QTMAN: variants seen among roughly 807,000 people sequenced by gnomAD.
QTMAN encodes tRNA-queuosine alpha-mannosyltransferase.
the QTMAN span, among the ~76,000 whole-genome samples, chr2:144,096,646 GA>G: frequency 1.3e-5 from 2 of 152,222 alleles, no homozygotes; most frequent in African/African-American, 4.8e-5. Flanking sequence ...AAATACGCTT[GA>G]AGCATATCTA....
At chr2:144,330,114 T>C in the QTMAN span, among the ~76,000 whole-genome samples, 8 of 152,224 alleles carry the variant, frequency 5.3e-5, no homozygotes, top group Non-Finnish European at 8.8e-5. Flanking sequence ...GATTATTACA[T>C]GTGATAGGAT....
chr2:144,137,473 C>A, the QTMAN span, among the ~76,000 whole-genome samples: 1 of 152,014 alleles, frequency 6.6e-6, no homozygotes, highest in East Asian at 1.9e-4. Context: ...CTTTTTACTG[C>A]TGTCAGTGAG....
At chr2:144,035,547 G>T in the QTMAN span, among the ~76,000 whole-genome samples, 74 of 152,064 alleles carry the variant, frequency 4.9e-4, no homozygotes, top group Non-Finnish European at 4.7e-4. Flanking sequence ...AAAGACCATA[G>T]TTATTTTATA....
At chr2:143,939,586 T>C in the QTMAN span, 4 of 152,242 alleles carry the variant, frequency 2.6e-5, no homozygotes, top group African/African-American at 9.6e-5. Flanking sequence ...TACAGTTAAA[T>C]TTATAGAAAG....
chr2:144,222,210 C>T, the QTMAN span, among the ~76,000 whole-genome samples: 1 of 151,844 alleles, frequency 6.6e-6, no homozygotes, highest in African/African-American at 2.4e-5. Flanking sequence ...CAGGCGCCCG[C>T]CACCACGCCC....
At chr2:144,069,034 C>T in the QTMAN span, among the ~76,000 whole-genome samples, 1 of 152,172 alleles carries the variant, frequency 6.6e-6, no homozygotes, top group South Asian at 2.1e-4. Flanking sequence ...CCTTTTTAAC[C>T]CCTCTTTTTC....
the QTMAN span, among the ~76,000 whole-genome samples, chr2:144,304,355 G>A: frequency 1.3e-5 from 2 of 152,116 alleles, no homozygotes; most frequent in African/African-American, 2.4e-5. Flanking sequence ...CACAAAGAAC[G>A]TAAACTGCCT....
chr2:144,187,646 T>C, the QTMAN span, among the ~76,000 whole-genome samples: 5 of 152,318 alleles, frequency 3.3e-5, no homozygotes, highest in African/African-American at 9.6e-5. Flanking sequence ...TTACAGCTTA[T>C]TATTTATACA....
chr2:144,035,291 GAACCATGAGCCAATGA>G, the QTMAN span, among the ~76,000 whole-genome samples: 10 of 152,172 alleles, frequency 6.6e-5, no homozygotes, highest in Admixed American at 4.6e-4. Context: ...ACAGTCTATG[GAACCATGAGCCAATGA>G]AACCTCTTTT....
chr2:144,199,699 G>A, the QTMAN span, among the ~76,000 whole-genome samples: 1 of 152,266 alleles, frequency 6.6e-6, no homozygotes, highest in Middle Eastern at 3.4e-3. Context: ...CTAGGAAAAA[G>A]TTAAGTTAAA....
chr2:144,330,913 TTC>T, the QTMAN span, among the ~76,000 whole-genome samples: 1 of 152,228 alleles, frequency 6.6e-6, no homozygotes, highest in South Asian at 2.1e-4. Flanking sequence ...AATTCTGTAT[TTC>T]TGTGATGCAT....
the QTMAN span, among the ~76,000 whole-genome samples, chr2:144,276,236 G>A: frequency 1.3e-5 from 2 of 151,986 alleles, no homozygotes; most frequent in Admixed American, 1.3e-4. Context: ...TTATAGAAAT[G>A]GGGTCTTACG....
chr2:143,949,850 G>C, the QTMAN span, among the ~76,000 whole-genome samples: 2 of 150,416 alleles, frequency 1.3e-5, no homozygotes, highest in African/African-American at 4.9e-5. Flanking sequence ...TTTTTTTTCT[G>C]TTTTAGCTTT....
the QTMAN span, among the ~76,000 whole-genome samples, chr2:144,092,146 T>C: frequency 2.6e-5 from 4 of 151,934 alleles, no homozygotes. Flanking sequence ...CACAGGTGTA[T>C]ACATACGTCA....
At chr2:144,192,335 G>A in the QTMAN span, among the ~76,000 whole-genome samples, 1 of 151,950 alleles carries the variant, frequency 6.6e-6, no homozygotes, top group African/African-American at 2.4e-5. Flanking sequence ...TCGAACTCCT[G>A]ACCTCCAGTG....
the QTMAN span, among the ~76,000 whole-genome samples, chr2:144,222,153 G>A: frequency 9.9e-5 from 15 of 151,712 alleles, no homozygotes; most frequent in East Asian, 2.4e-3. Flanking sequence ...TCCGCCTCCC[G>A]GGTTTACACC....
the QTMAN span, among the ~76,000 whole-genome samples, chr2:144,001,319 CA>C: frequency 6.6e-6 from 1 of 151,838 alleles, no homozygotes; most frequent in Non-Finnish European, 1.5e-5. Flanking sequence ...CAAAGTCGTT[CA>C]ATCTTATGGT....
the QTMAN span, among the ~76,000 whole-genome samples, chr2:144,124,289 T>C: frequency 6.6e-6 from 1 of 152,148 alleles, no homozygotes; most frequent in Non-Finnish European, 1.5e-5. Context: ...ACATCAAAGT[T>C]TAACTTATGG....
the QTMAN span, chr2:144,237,453 C>T: frequency 6.6e-6 from 1 of 152,134 alleles, no homozygotes; most frequent in Admixed American, 6.5e-5. Context: ...TGTTACGATA[C>T]AAGCTCTGCT....
Sources: gnomAD v4.1 joint callset for allele counts (sites outside exome capture counted in the v4.1 genomes callset) on GRCh38, gnomAD v4.1.1 for gene constraint, MANE v1.5 for transcripts, NCBI Gene and HGNC (gene_info 2026-07-23, HGNC 2026-07-21) for gene names.